The following CNTN2 variants were observed in gnomAD, a reference collection of about 807,000 sequenced individuals.
CNTN2 encodes contactin 2.
A neutral mutation model predicts 117.5 loss-of-function variants in CNTN2; 53 were observed. That is an observed-to-expected ratio of 0.45 (90% confidence interval 0.36 to 0.57). The LOEUF is 0.57. Ranked by LOEUF, CNTN2 falls within the 20% of genes least tolerant of loss-of-function variation. CNTN2 has a pLI of 0.00. For missense variants in CNTN2, 1,106 were observed against 1,404.3 expected, an observed-to-expected ratio of 0.79 and a Z score of 3.39; for synonymous variants, 530 against 561.7, an observed-to-expected ratio of 0.94 and a Z score of 0.80.
At chr1:205,057,879 A>AG (rs1212132973) in intron 2 of CNTN2, 42 bp from the exon 3 acceptor site, 5 of 1,595,492 alleles carry the variant, frequency 3.1e-6, no homozygotes, top group Non-Finnish European at 3.4e-6. Flanking sequence ...GGCTCCAGCC[A>AG]GGCCAAGGCT....
chr1:205,061,635 G>C lies in CNTN2; in HGVS notation c.973+215G>C. The C allele has an allele frequency of 1.3e-6, 1 of 759,326 alleles. No individual in the cohort carries two copies. The highest frequency in any genetic ancestry group is 2.0e-6 in the Non-Finnish European group (1 of 492,932). The allele number at this position is 759,326 out of a possible 1,614,324, so 47.0% of individuals were successfully genotyped here. ...TCAGGGGTGCAGAAAGCACACAGGA[G>C]GCTCCAGAATGATTTAAGTTGCAAA... On this transcript the variant is annotated intron_variant, in intron 8 of 22. Transcript: ENST00000331830. This position sits in a 1 kb window ranked among gnomAD's most constrained non-coding sequence, Gnocchi z 4.8.
chr1:205,058,524 C>A lies in CNTN2; in HGVS notation c.392-44C>A, dbSNP rs1162976317. 4 of 1,595,938 alleles carry A rather than the reference C, an allele frequency of 2.5e-6. No individual in the cohort carries two copies. Among genetic ancestry groups the A allele is most frequent in the Non-Finnish European group, 3.4e-6 (4 of 1,165,076 alleles). ...GAAGGATGAGTCGGGGAGGGGCTCG[C>A]AGGCCAGGAGGACAGTGCCTGAGCC... On this transcript the variant is annotated intron_variant, in intron 4 of 22. Transcript: ENST00000331830. This position sits in a 1 kb window ranked among gnomAD's most constrained non-coding sequence, Gnocchi z 4.3.
rs956285864 is a variant in CNTN2, at chr1:205,048,672, G to A, written c.-86-4428G>A. On this transcript the variant is annotated intron_variant, in intron 1 of 22. Transcript: ENST00000331830. This position sits in a 1 kb window ranked among gnomAD's most constrained non-coding sequence, Gnocchi z 4.1. ...CTGGGCATTCTAGAACGCATAATAG[G>A]GCAGATGGTATGGGGAGATGACTGA... Among the ~76,000 whole-genome samples, 6 of 152,192 alleles carry A rather than the reference G, an allele frequency of 3.9e-5. No homozygotes were observed. The highest frequency in any genetic ancestry group is 1.4e-4 in the African/African-American group (6 of 41,446).
intron 1 of CNTN2, among the ~76,000 whole-genome samples, chr1:205,052,593 G>A (rs1372037657): frequency 1.3e-5 from 2 of 152,194 alleles, no homozygotes; most frequent in African/African-American, 4.8e-5. Context: ...CCTCCTCACT[G>A]CTAGGAAAAC....
chr1:205,074,510 GC>G lies in CNTN2; in HGVS notation c.*748del. ...AGATAGTCACAACCCAGGTGACGAT[GC>G]CCTCTCAGCCAACACTGCCAACCTG... On this transcript the variant is annotated 3_prime_UTR_variant, in exon 23 of 23. Coordinates refer to ENST00000331830, the MANE Select transcript of CNTN2 (RefSeq NM_005076.5). The G allele has an allele frequency of 5.0e-6, 2 of 398,272 alleles. No homozygotes were observed. Among genetic ancestry groups the G allele is most frequent in the Non-Finnish European group, 8.8e-6 (2 of 226,102 alleles). The allele number at this position is 398,272 out of a possible 1,614,324, so 24.7% of individuals were successfully genotyped here.
chr1:205,055,212 C>T (rs1010202376), intron 2 of CNTN2, among the ~76,000 whole-genome samples: 1 of 152,146 alleles, frequency 6.6e-6, no homozygotes, highest in African/African-American at 2.4e-5. Flanking sequence ...CGGGGTTTCA[C>T]CATGTTGGCC....
In CNTN2 at chr1:205,065,848, C is replaced by A; in HGVS notation, c.1755C>A (p.Tyr585Ter). The A allele has an allele frequency of 6.3e-7, 1 of 1,594,932 alleles. No homozygotes were observed. The highest frequency in any genetic ancestry group is 1.1e-5 in the South Asian group (1 of 90,714). The change falls in exon 14 of 23, where the codon TAC becomes TAA. Residue 585 changes from tyrosine (Y) to a stop codon, truncating the protein, a stop_gained. Coordinates refer to ENST00000331830, the MANE Select transcript of CNTN2 (RefSeq NM_005076.5). LOFTEE classifies it high-confidence loss of function. The surrounding 1 kb of genome is among the most constrained non-coding windows in gnomAD (Gnocchi z 4.1). The part of the protein sequence containing the change: ...LNAQLRHGGK[Y>*]TCMAQTVVDS... ...CCCAGCTGCGCCATGGGGGGAAGTA[C>A]ACGTGCATGGCCCAGACGGTGGTGG...
At chr1:205,064,602 T>A (rs376955173) in intron 11 of CNTN2, 21 bp from the exon 12 acceptor site, 1 of 1,612,594 alleles carries the variant, frequency 6.2e-7, no homozygotes, top group South Asian at 1.1e-5. Flanking sequence ...GTTGGCCACA[T>A]CTGCCTTGTC....
chr1:205,075,374 A>G lies in CNTN2; in HGVS notation c.*1609A>G, dbSNP rs16855036. 15,622 of 153,092 alleles carry G rather than the reference A, an allele frequency of 0.1. 1,454 individuals carry two copies. The highest frequency in any genetic ancestry group is 0.24 in the African/African-American group (9,941 of 41,472). 9.5% of individuals were successfully genotyped at this position (153,092 alleles called of 1,614,324 possible). On this transcript the variant is annotated 3_prime_UTR_variant, in exon 23 of 23. Transcript: ENST00000331830. The stretch of plus-strand genomic sequence containing the variant: ...CTGTCCCCCTCACTCTTGCCCCAAG[A>G]AAAGAGGCCAAAGCAAGAGCAGATT...
At chr1:205,066,081 T>A (rs1458178926) in intron 14 of CNTN2, 172 bp downstream of exon 14, 6 of 785,260 alleles carry the variant, frequency 7.6e-6, no homozygotes, top group Non-Finnish European at 1.2e-5. Flanking sequence ...TCCTAAATGA[T>A]CAGGACATTT....
intron 17 of CNTN2, 21 bp downstream of exon 17, chr1:205,069,582 G>C (rs1355621773): frequency 6.9e-6 from 11 of 1,597,190 alleles, no homozygotes; most frequent in African/African-American, 1.3e-5. Flanking sequence ...AGGGTCAGAT[G>C]TCCTCCTCCT....
intron 1 of CNTN2, among the ~76,000 whole-genome samples, chr1:205,045,803 G>A (rs1281003139): frequency 1.3e-5 from 2 of 152,138 alleles, no homozygotes; most frequent in Non-Finnish European, 2.9e-5. Context: ...AGTGAGCCAT[G>A]AGGAGGTGGG....
chr1:205,067,405 G>A, intron 16 of CNTN2, 155 bp downstream of exon 16: 1 of 860,562 alleles, frequency 1.2e-6, no homozygotes, highest in Non-Finnish European at 1.7e-6. Context: ...ACACCAAGTT[G>A]GGACCAGGGC....
chr1:205,075,824 A>G lies in CNTN2; in HGVS notation c.*2059A>G, dbSNP rs1268909580. 1 of 152,060 alleles carries G rather than the reference A, an allele frequency of 6.6e-6. No individual in the cohort carries two copies. Among genetic ancestry groups the G allele is most frequent in the Non-Finnish European group, 1.5e-5 (1 of 68,038 alleles). 9.4% of individuals were successfully genotyped at this position (152,060 alleles called of 1,614,324 possible). A position where few individuals can be genotyped will look rare whatever the true frequency, so the allele number is the denominator to read the frequency against. On this transcript the variant is annotated 3_prime_UTR_variant, in exon 23 of 23. Coordinates refer to ENST00000331830, the MANE Select transcript of CNTN2 (RefSeq NM_005076.5). The stretch of plus-strand genomic sequence containing the variant: ...ACCATTCTCCCTGACAGGGAGTCCA[A>G]ACTTGGCCTAGCATCCCTCCTGGCC...
At chr1:205,066,162 C>T (rs887917557) in intron 14 of CNTN2, 1 of 615,052 alleles carries the variant, frequency 1.6e-6, no homozygotes. Flanking sequence ...TTACTGAGCC[C>T]TGAAGTTTTC....
At position 205,073,237 on chromosome 1, in the gene CNTN2, GTGC is replaced by G. The variant is rs752153648; in HGVS notation, c.3013+6_3013+8del. On this transcript the variant is annotated splice_donor_variant and splice_donor_region_variant and intron_variant, in intron 22 of 22. Coordinates refer to ENST00000331830, the MANE Select transcript of CNTN2 (RefSeq NM_005076.5). LOFTEE classifies it high-confidence loss of function. This position sits in a 1 kb window ranked among gnomAD's most constrained non-coding sequence, Gnocchi z 6.3. ...GAAGTCCACATCGTGAGGAATGGAG[GTGC>G]TGCTCCTCCCCTACCCTTATCCCCT... 22 of 1,613,720 alleles carry G rather than the reference GTGC, an allele frequency of 1.4e-5. No individual in the cohort carries two copies. Among genetic ancestry groups the G allele is most frequent in the African/African-American group, 2.7e-5 (2 of 74,864 alleles).
chr1:205,061,774 A>G lies in CNTN2; in HGVS notation c.974-91A>G. On this transcript the variant is annotated intron_variant, in intron 8 of 22. Coordinates refer to ENST00000331830, the MANE Select transcript of CNTN2 (RefSeq NM_005076.5). The surrounding 1 kb of genome is among the most constrained non-coding windows in gnomAD (Gnocchi z 4.8). ...CTCATGGCGCCCTCTGCTGTCTGGCACAGGTGCTGCTGCCCTGATTTTCTG... is the reference window on the plus strand; with the variant it reads ...CTCATGGCGCCCTCTGCTGTCTGGCGCAGGTGCTGCTGCCCTGATTTTCTG... 1 of 1,448,902 alleles carries G rather than the reference A, an allele frequency of 6.9e-7. No homozygotes were observed. Among genetic ancestry groups the G allele is most frequent in the Non-Finnish European group, 9.2e-7 (1 of 1,087,192 alleles). 89.8% of individuals were successfully genotyped at this position (1,448,902 alleles called of 1,614,324 possible).
intron 18 of CNTN2, 83 bp downstream of exon 18, chr1:205,070,144 T>C: frequency 1.5e-6 from 2 of 1,358,806 alleles, no homozygotes; most frequent in South Asian, 1.2e-5. Context: ...GCTACTCATC[T>C]CCCAGCTCAG....
At position 205,061,116 on chromosome 1, in the gene CNTN2, C is replaced by A; in HGVS notation, c.798-129C>A. 9.7e-7 allele frequency: 1 copy of A among 1,036,078 alleles called. No individual in the cohort carries two copies. Among genetic ancestry groups the A allele is most frequent in the Non-Finnish European group, 1.4e-6 (1 of 728,584 alleles). 64.2% of individuals were successfully genotyped at this position (1,036,078 alleles called of 1,614,324 possible). On this transcript the variant is annotated intron_variant, in intron 7 of 22. Transcript: ENST00000331830. This position sits in a 1 kb window ranked among gnomAD's most constrained non-coding sequence, Gnocchi z 4.8. ...GAGTGAGGATCAGCCAGAAGGCACC[C>A]TCTCTCCCTCTGTTCCTCCCAGGCC...
Sources: allele counts gnomAD v4.1 joint callset (sites outside exome capture counted in the v4.1 genomes callset), GRCh38; gene constraint gnomAD v4.1.1; non-coding constraint Gnocchi (gnomAD v3.1); transcripts MANE v1.5; gene names NCBI Gene and HGNC (gene_info 2026-07-23, HGNC 2026-07-21).